The following RBMS1 variants were observed in gnomAD, a reference collection of about 807,000 sequenced individuals.
RBMS1 encodes the protein RNA binding motif single stranded interacting protein 1.
A neutral mutation model predicts 62.3 loss-of-function variants in RBMS1; 17 were observed. The observed-to-expected ratio is 0.27, with a 90% CI of 0.19 to 0.41. RBMS1 has a LOEUF of 0.41. Among genes scored for constraint, RBMS1 ranks in the 10% least tolerant of loss-of-function variants. The probability of loss-of-function intolerance (pLI) is 1.00; values close to 1 mark genes in which losing one functional copy is unlikely to be tolerated. For synonymous variants in RBMS1, 172 were observed against 170.0 expected (o/e 1.01, Z -0.09); for missense variants, 334 against 504.5 (o/e 0.66, Z 3.24).
intron 1 of RBMS1, among the ~76,000 whole-genome samples, chr2:160,490,701 A>C (rs925849652): frequency 4.6e-5 from 7 of 152,216 alleles, no homozygotes; most frequent in African/African-American, 1.7e-4. Context: ...GTAACAAAAC[A>C]AACTGTTAAG....
At chr2:160,365,286 G>A (rs1456962134) in intron 2 of RBMS1, among the ~76,000 whole-genome samples, 2 of 152,210 alleles carry the variant, frequency 1.3e-5, no homozygotes, top group African/African-American at 4.8e-5. Flanking sequence ...TACATATCAA[G>A]AAGACTATTA....
At chr2:160,437,242 T>G (rs1683147263) in intron 1 of RBMS1, among the ~76,000 whole-genome samples, 1 of 152,228 alleles carries the variant, frequency 6.6e-6, no homozygotes, top group African/African-American at 2.4e-5. Context: ...ACCTGCTTCA[T>G]TTTTGGTCTA....
chr2:160,449,858 T>C (rs950541308), intron 1 of RBMS1, among the ~76,000 whole-genome samples: 11 of 152,046 alleles, frequency 7.2e-5, no homozygotes, highest in Admixed American at 1.3e-4. Flanking sequence ...GGGGGATGAA[T>C]GGAAAGAATA....
intron 13 of RBMS1, 149 bp from the exon 14 acceptor site, chr2:160,274,913 G>A (rs1687751275): frequency 6.6e-6 from 1 of 152,558 alleles, no homozygotes; most frequent in African/African-American, 2.4e-5. Context: ...GCAGACTCTG[G>A]AACTGATGGT....
intron 1 of RBMS1, among the ~76,000 whole-genome samples, chr2:160,391,547 A>C (rs923274452): frequency 3.9e-5 from 6 of 152,156 alleles, no homozygotes; most frequent in Admixed American, 6.5e-5. Flanking sequence ...GACTAGTAAA[A>C]CACACATTTT....
chr2:160,439,409 C>A (rs1476905430), intron 1 of RBMS1, among the ~76,000 whole-genome samples: 23 of 151,190 alleles, frequency 1.5e-4, no homozygotes, highest in Admixed American at 1.5e-3. Flanking sequence ...CCCCTCACAT[C>A]CCGGACGGGG....
At chr2:160,285,591 C>T (rs539602377) in intron 7 of RBMS1, among the ~76,000 whole-genome samples, 2 of 151,246 alleles carry the variant, frequency 1.3e-5, no homozygotes, top group South Asian at 2.1e-4. Context: ...AAAGTCAATA[C>T]AGGGAAATGG....
intron 1 of RBMS1, among the ~76,000 whole-genome samples, chr2:160,484,790 G>A (rs1685527377): frequency 6.6e-6 from 1 of 150,670 alleles, no homozygotes; most frequent in Non-Finnish European, 1.5e-5. Context: ...AGAATGGCGT[G>A]AACCCGGGAG....
At chr2:160,440,688 C>T (rs983825348) in intron 1 of RBMS1, among the ~76,000 whole-genome samples, 1 of 152,142 alleles carries the variant, frequency 6.6e-6, no homozygotes, top group African/African-American at 2.4e-5. Context: ...GTTGTTGACT[C>T]GAGGTCACTC....
chr2:160,311,624 A>G (rs1318305545), intron 4 of RBMS1, among the ~76,000 whole-genome samples: 1 of 151,662 alleles, frequency 6.6e-6, no homozygotes, highest in Non-Finnish European at 1.5e-5. Flanking sequence ...AAGCCAGATA[A>G]TATAAAAGTA....
chr2:160,358,449 A>G (rs1056830747), intron 2 of RBMS1, among the ~76,000 whole-genome samples: 19 of 152,176 alleles, frequency 1.2e-4, no homozygotes, highest in African/African-American at 4.6e-4. Flanking sequence ...ATTATGTGTC[A>G]TCCTATTATG....
chr2:160,455,057 G>A (rs1399026489), intron 1 of RBMS1, among the ~76,000 whole-genome samples: 1 of 152,192 alleles, frequency 6.6e-6, no homozygotes, highest in African/African-American at 2.4e-5. Context: ...AAGTTACAAT[G>A]CAGATCCTGG....
intron 1 of RBMS1, among the ~76,000 whole-genome samples, chr2:160,423,434 G>A (rs975377363): frequency 7.9e-5 from 12 of 151,794 alleles, no homozygotes; most frequent in African/African-American, 2.9e-4. Context: ...TCTCTCTTTC[G>A]CTGCTGGAGT....
intron 1 of RBMS1, among the ~76,000 whole-genome samples, chr2:160,410,049 C>A (rs187893915): frequency 3.3e-5 from 5 of 151,586 alleles, no homozygotes; most frequent in African/African-American, 1.2e-4. Flanking sequence ...GGTGAAACCC[C>A]GTCTCTACTA....
intron 1 of RBMS1, among the ~76,000 whole-genome samples, chr2:160,393,503 C>T (rs191201356): frequency 1.1e-4 from 17 of 152,076 alleles, no homozygotes; most frequent in Non-Finnish European, 2.1e-4. Flanking sequence ...GCTGGCCGGG[C>T]GCGGTGGCTC....
intron 1 of RBMS1, among the ~76,000 whole-genome samples, chr2:160,384,745 T>C (rs1317011053): frequency 6.6e-6 from 1 of 152,222 alleles, no homozygotes; most frequent in Non-Finnish European, 1.5e-5. Flanking sequence ...ACTGTCGGGC[T>C]TGTAAGAAGT....
intron 2 of RBMS1, among the ~76,000 whole-genome samples, chr2:160,344,529 G>A (rs868022299): frequency 6.6e-6 from 1 of 151,842 alleles, no homozygotes; most frequent in Non-Finnish European, 1.5e-5. Context: ...TTTAGTCTAC[G>A]ACTCCAACAG....
chr2:160,386,132 T>G (rs1167004125), intron 1 of RBMS1, among the ~76,000 whole-genome samples: 1 of 152,248 alleles, frequency 6.6e-6, no homozygotes, highest in Non-Finnish European at 1.5e-5. Context: ...GCAGCTAAAT[T>G]AATTTGTTGG....
rs1270843195 is a variant in RBMS1 at position 160,273,562 on chromosome 2, T to C, written c.*1210A>G. On this transcript the variant is annotated 3_prime_UTR_variant, in exon 14 of 14. Transcript: ENST00000348849. ...TTTTGCTTCTATTCGTTATCTCAGC[T>C]TATGTTTGAAGATAAATCCTTACTT... 1 of 152,246 alleles carries C rather than the reference T, an allele frequency of 6.6e-6. No homozygotes were observed. The highest frequency in any genetic ancestry group is 1.9e-4 in the East Asian group (1 of 5,206). 9.4% of individuals were successfully genotyped at this position (152,246 alleles called of 1,614,324 possible). A position where few individuals can be genotyped will look rare whatever the true frequency, so the allele number is the denominator to read the frequency against.
Sources: allele counts gnomAD v4.1 joint callset (sites outside exome capture counted in the v4.1 genomes callset), GRCh38; gene constraint gnomAD v4.1.1; transcripts MANE v1.5; gene names NCBI Gene and HGNC (gene_info 2026-07-23, HGNC 2026-07-21).